The following GUCY1A2 variants were observed in gnomAD, a reference collection of about 807,000 sequenced individuals.
The protein encoded by GUCY1A2 is guanylate cyclase 1 soluble subunit alpha 2.
In GUCY1A2, 27 loss-of-function variants were observed where a neutral mutation model predicts 63.5. That is an observed-to-expected ratio of 0.43 (90% CI 0.31 to 0.59). The LOEUF (loss-of-function observed/expected upper bound fraction) is 0.59, where lower values mean the gene tolerates loss of function less well. Among genes scored for constraint, GUCY1A2 ranks in the 20% least tolerant of loss-of-function variants. The pLI is 0.11. For synonymous variants in GUCY1A2, 364 were observed against 343.5 expected (o/e 1.06, Z -0.66); for missense variants, 768 against 913.3 (o/e 0.84, Z 2.05).
intron 6 of GUCY1A2, among the ~76,000 whole-genome samples, chr11:106,775,477 G>GTTT (rs36074221): frequency 6.8e-6 from 1 of 146,664 alleles, no homozygotes; most frequent in African/African-American, 2.5e-5. Context: ...CACCAATTAC[G>GTTT]TTTTTTTTTT....
At chr11:106,790,290 G>C (rs1034206171) in intron 5 of GUCY1A2, among the ~76,000 whole-genome samples, 5 of 152,136 alleles carry the variant, frequency 3.3e-5, no homozygotes, top group African/African-American at 9.7e-5. Flanking sequence ...GGCCCACAGG[G>C]ACATCAAACA....
chr11:106,808,356 T>A (rs1858719970), intron 5 of GUCY1A2, among the ~76,000 whole-genome samples: 1 of 152,132 alleles, frequency 6.6e-6, no homozygotes. Flanking sequence ...CACGGTTTAA[T>A]AATATATAGG....
At chr11:106,847,914 A>G (rs1859298161) in intron 4 of GUCY1A2, among the ~76,000 whole-genome samples, 1 of 151,704 alleles carries the variant, frequency 6.6e-6, no homozygotes, top group African/African-American at 2.4e-5. Flanking sequence ...AATACTATAA[A>G]TGACTCCAGA....
chr11:106,851,163 C>A (rs566298571), intron 4 of GUCY1A2, among the ~76,000 whole-genome samples: 1 of 151,346 alleles, frequency 6.6e-6, no homozygotes, highest in South Asian at 2.1e-4. Context: ...TGTTTAGTTT[C>A]TTTGCCCACT....
At chr11:106,746,057 T>C (rs941110497) in intron 6 of GUCY1A2, among the ~76,000 whole-genome samples, 2 of 152,150 alleles carry the variant, frequency 1.3e-5, no homozygotes, top group Non-Finnish European at 2.9e-5. Context: ...AAAAGTATTT[T>C]CTCTTTGGCT....
chr11:106,853,640 T>C lies in GUCY1A2; in HGVS notation c.1207-43162A>G, dbSNP rs191477724. On this transcript the variant is annotated intron_variant, in intron 4 of 7. Coordinates refer to ENST00000526355, the MANE Select transcript of GUCY1A2 (RefSeq NM_000855.3). ...ATTATTTTGAATTTTTTCGGACATT[T>C]AATAGACTTTTCTTTCTGCAGGATC... Among the ~76,000 whole-genome samples the C allele has an allele frequency of 5.9e-5, 9 of 152,302 alleles. No homozygotes were observed. The East Asian group carries it at 1.7e-3, about 29-fold the overall frequency.
chr11:106,983,460 G>A (rs1171054775), intron 2 of GUCY1A2, among the ~76,000 whole-genome samples: 4 of 152,114 alleles, frequency 2.6e-5, no homozygotes, highest in East Asian at 1.9e-4. Flanking sequence ...GCTGCTCTCC[G>A]CGTTGAAGTC....
intron 4 of GUCY1A2, among the ~76,000 whole-genome samples, chr11:106,906,026 G>C (rs1198618653): frequency 1.3e-5 from 2 of 152,120 alleles, no homozygotes; most frequent in Non-Finnish European, 2.9e-5. Context: ...TCAGGACATA[G>C]GCATGGGCAA....
At chr11:106,805,756 G>A (rs967300070) in intron 5 of GUCY1A2, among the ~76,000 whole-genome samples, 6 of 152,100 alleles carry the variant, frequency 3.9e-5, no homozygotes, top group African/African-American at 1.4e-4. Flanking sequence ...ATGGCAGACG[G>A]GAGAATCTCC....
intron 6 of GUCY1A2, among the ~76,000 whole-genome samples, chr11:106,714,688 A>G (rs1176668193): frequency 6.6e-6 from 1 of 152,210 alleles, no homozygotes; most frequent in Non-Finnish European, 1.5e-5. Flanking sequence ...ACCTGAGGTC[A>G]TCTGAGCCCC....
At chr11:106,813,793 G>A (rs894674839) in intron 4 of GUCY1A2, among the ~76,000 whole-genome samples, 11 of 152,060 alleles carry the variant, frequency 7.2e-5, no homozygotes, top group Non-Finnish European at 1.5e-5. Flanking sequence ...TGATGTTGAG[G>A]AGGATGATGC....
intron 3 of GUCY1A2, among the ~76,000 whole-genome samples, chr11:106,967,761 A>AGG: frequency 7.1e-6 from 1 of 140,138 alleles, no homozygotes; most frequent in Non-Finnish European, 1.6e-5. Context: ...GGAAGGAAGC[A>AGG]AGGAGGGAGG....
chr11:106,705,931 C>T (rs602159), intron 7 of GUCY1A2, among the ~76,000 whole-genome samples: 77,154 of 152,024 alleles, frequency 0.51, 21,833 homozygotes, highest in African/African-American at 0.78. Context: ...CAATGAAAGA[C>T]TGAGAAAATT....
chr11:106,947,505 A>T (rs116478305), intron 3 of GUCY1A2, among the ~76,000 whole-genome samples: 427 of 152,122 alleles, frequency 2.8e-3, no homozygotes, highest in African/African-American at 9.6e-3. Context: ...CAAAAAGGCA[A>T]AGTCAGAAAA....
rs1210881304 is a variant in GUCY1A2, at chr11:106,776,535, T to C, written c.1740A>G (p.Arg580=). ...DAYCVAAGLH[R]KSLCHAKPIA... Reference sequence around the variant, plus strand: ...TGGGTTTAGCATGGCAGAGGCTTTTTCTGTGGAGCCCTGCTGCAACACAGT... The same window carrying C: ...TGGGTTTAGCATGGCAGAGGCTTTTCCTGTGGAGCCCTGCTGCAACACAGT... Residue 580 remains arginine (R), a synonymous_variant, in exon 6 of 8, where the codon AGA becomes AGG. Coordinates refer to ENST00000526355, the MANE Select transcript of GUCY1A2 (RefSeq NM_000855.3). 6.2e-7 allele frequency: 1 copy of C among 1,613,738 alleles called. No homozygotes were observed. Among genetic ancestry groups the C allele is most frequent in the Non-Finnish European group, 8.5e-7 (1 of 1,179,594 alleles).
At chr11:106,889,011 A>C (rs902182280) in intron 4 of GUCY1A2, among the ~76,000 whole-genome samples, 24 of 152,102 alleles carry the variant, frequency 1.6e-4, no homozygotes, top group Non-Finnish European at 2.8e-4. Flanking sequence ...GAAAAAAAAA[A>C]CCTTAAAAAT....
In GUCY1A2 at chr11:107,018,027, G is replaced by A. The variant is rs1861852319; in HGVS notation, c.29C>T (p.Ser10Phe). The change falls in exon 1 of 8, where the codon TCC becomes TTC. Residue 10 changes from serine to phenylalanine, a missense_variant. Physicochemically the swap from Ser to Phe is radical, Grantham distance 155 (BLOSUM62 -2). Around this residue, in one of 3 missense-constraint regions of GUCY1A2, gnomAD observed 496 missense variants for 486.9 expected, o/e 1.02. Transcript: ENST00000526355. MSRRKISSE[S>F]FSSLGSDYLE... ...GTAGTCGGAGCCCAGGGAGCTGAAG[G>A]ACTCGGACGAAATCTTCCTTCGAGA... The A allele has an allele frequency of 6.8e-7, 1 of 1,475,296 alleles. No homozygotes were observed. Among genetic ancestry groups the A allele is most frequent in the Non-Finnish European group, 9.1e-7 (1 of 1,102,374 alleles). The allele number at this position is 1,475,296 out of a possible 1,614,324, so 91.4% of individuals were successfully genotyped here.
intron 1 of GUCY1A2, among the ~76,000 whole-genome samples, chr11:107,000,669 A>G (rs995995556): frequency 6.6e-5 from 10 of 152,194 alleles, no homozygotes; most frequent in African/African-American, 2.2e-4. Context: ...ACATAGATAT[A>G]AATAGATAAA....
intron 4 of GUCY1A2, among the ~76,000 whole-genome samples, chr11:106,823,720 C>T (rs1483365231): frequency 6.6e-6 from 1 of 152,144 alleles, no homozygotes; most frequent in Non-Finnish European, 1.5e-5. Flanking sequence ...TGCATCCACA[C>T]AAACATCTAT....
Sources: allele counts gnomAD v4.1 joint callset (sites outside exome capture counted in the v4.1 genomes callset), GRCh38; gene constraint gnomAD v4.1.1; regional missense constraint gnomAD v4.1.1; transcripts MANE v1.5; gene names NCBI Gene and HGNC (gene_info 2026-07-23, HGNC 2026-07-21).